Variants in PRKG1 observed in about 807,000 individuals in gnomAD.
PRKG1 encodes protein kinase cGMP-dependent 1.
In PRKG1, 35 loss-of-function variants were observed where a neutral mutation model predicts 88.1. That is an observed-to-expected ratio of 0.40 (90% CI 0.30 to 0.53). The LOEUF (loss-of-function observed/expected upper bound fraction) is 0.53, where lower values mean the gene tolerates loss of function less well. Ranked by LOEUF, PRKG1 falls within the 20% of genes least tolerant of loss-of-function variation. PRKG1 has a pLI of 0.59. For missense variants in PRKG1, 540 were observed against 839.8 expected, an observed-to-expected ratio of 0.64 and a Z score of 4.41; for synonymous variants, 303 against 292.5, an observed-to-expected ratio of 1.04 and a Z score of -0.37.
chr10:51,970,001 TACACACACACACACACACAC>T (rs35117709), intron 5 of PRKG1, among the ~76,000 whole-genome samples: 17,847 of 144,474 alleles, frequency 0.12, 1,289 homozygotes, highest in African/African-American at 0.2. Flanking sequence ...ATTCTCTTCA[TACACACACACACACACACAC>T]ACACACACAC....
At chr10:51,813,766 T>C (rs756050343) in intron 4 of PRKG1, among the ~76,000 whole-genome samples, 5 of 152,114 alleles carry the variant, frequency 3.3e-5, no homozygotes, top group African/African-American at 7.2e-5. Context: ...CAGCCTTAGG[T>C]TGATTTTGTT....
At chr10:51,078,259 C>T (rs1043573604) in intron 1 of PRKG1, among the ~76,000 whole-genome samples, 1 of 152,058 alleles carries the variant, frequency 6.6e-6, no homozygotes, top group South Asian at 2.1e-4. Flanking sequence ...CACTCTGTCA[C>T]CCAGGATGGA....
At chr10:51,215,731 T>G (rs966816155) in intron 2 of PRKG1, among the ~76,000 whole-genome samples, 2 of 152,200 alleles carry the variant, frequency 1.3e-5, no homozygotes, top group African/African-American at 4.8e-5. Context: ...TTCCACTTCT[T>G]TCTTTCACCA....
At chr10:51,486,410 G>A (rs1285557822) in intron 3 of PRKG1, among the ~76,000 whole-genome samples, 2 of 152,088 alleles carry the variant, frequency 1.3e-5, no homozygotes, top group Non-Finnish European at 1.5e-5. Flanking sequence ...TTTCACAATT[G>A]TATACTTACT....
intron 3 of PRKG1, among the ~76,000 whole-genome samples, chr10:51,775,796 C>T (rs1290542425): frequency 6.6e-6 from 1 of 152,038 alleles, no homozygotes; most frequent in Non-Finnish European, 1.5e-5. Flanking sequence ...GTTGCCCAGG[C>T]TGGTGTTGAA....
intron 3 of PRKG1, among the ~76,000 whole-genome samples, chr10:51,802,893 C>G (rs1839211365): frequency 6.6e-6 from 1 of 152,104 alleles, no homozygotes. Context: ...GCACTACCCC[C>G]AAACCGTGCA....
At chr10:51,406,214 T>A (rs965630567) in intron 2 of PRKG1, among the ~76,000 whole-genome samples, 1 of 152,216 alleles carries the variant, frequency 6.6e-6, no homozygotes, top group African/African-American at 2.4e-5. Context: ...AATCAATTTG[T>A]TGTCGACAGC....
Position 51,727,211 on chromosome 10 carries a change from C to T in PRKG1, c.593-77374C>T, listed in dbSNP as rs564580197. Reference sequence around the variant, plus strand: ...GTCCCAGCTATTTGGGGGGCTGAGACGGGAGGATACCTGGAGTCCAGGAGT... The same window carrying T: ...GTCCCAGCTATTTGGGGGGCTGAGATGGGAGGATACCTGGAGTCCAGGAGT... On this transcript the variant is annotated intron_variant, in intron 3 of 17. Coordinates refer to ENST00000373980, the MANE Select transcript of PRKG1 (RefSeq NM_006258.4). Among the ~76,000 whole-genome samples, 7 of 150,870 alleles carry T rather than the reference C, an allele frequency of 4.6e-5. No homozygotes were observed. The South Asian group carries it at 8.4e-4, about 18-fold the overall frequency.
At chr10:52,272,754 A>G (rs1311459590) in intron 12 of PRKG1, among the ~76,000 whole-genome samples, 1 of 151,360 alleles carries the variant, frequency 6.6e-6, no homozygotes, top group Non-Finnish European at 1.5e-5. Context: ...TTTTGCATGA[A>G]TGTTAGAATT....
Position 52,025,861 on chromosome 10 carries a change from T to G in PRKG1, c.763-28623T>G, listed in dbSNP as rs557309948. Among the ~76,000 whole-genome samples the G allele has an allele frequency of 3.3e-5, 5 of 151,194 alleles. No individual in the cohort carries two copies. The South Asian group carries it at 1.1e-3, about 32-fold the overall frequency. On this transcript the variant is annotated intron_variant, in intron 5 of 17. Coordinates refer to ENST00000373980, the MANE Select transcript of PRKG1 (RefSeq NM_006258.4). The stretch of plus-strand genomic sequence containing the variant: ...AAAAACTACTTTAAATTTAGCTAAG[T>G]CAATCCTAAGCAAAAAGAACAAAGC...
At chr10:52,146,228 CTG>C (rs1837723466) in intron 8 of PRKG1, among the ~76,000 whole-genome samples, 1 of 152,124 alleles carries the variant, frequency 6.6e-6, no homozygotes, top group Admixed American at 6.6e-5. Context: ...AATGTAATAA[CTG>C]TTTGTTTTAG....
chr10:51,612,379 G>T (rs1192685026), intron 3 of PRKG1, among the ~76,000 whole-genome samples: 1 of 151,254 alleles, frequency 6.6e-6, no homozygotes, highest in Non-Finnish European at 1.5e-5. Context: ...AGGTTTTTTT[G>T]TGTGTGTCAC....
intron 7 of PRKG1, among the ~76,000 whole-genome samples, chr10:52,112,597 C>T (rs1847589702): frequency 6.6e-6 from 1 of 152,144 alleles, no homozygotes; most frequent in African/African-American, 2.4e-5. Context: ...CTCATTCTTT[C>T]TTGTTCCAGA....
intron 1 of PRKG1, among the ~76,000 whole-genome samples, chr10:51,116,334 C>T (rs1486815227): frequency 6.6e-6 from 1 of 152,170 alleles, no homozygotes; most frequent in Non-Finnish European, 1.5e-5. Flanking sequence ...ATTTGCACCT[C>T]ACTCAAAATG....
At chr10:51,812,647 T>A (rs979479697) in intron 4 of PRKG1, among the ~76,000 whole-genome samples, 5 of 152,234 alleles carry the variant, frequency 3.3e-5, no homozygotes, top group African/African-American at 9.6e-5. Flanking sequence ...GTCCAGCCAC[T>A]GAGCTGGTCA....
intron 1 of PRKG1, among the ~76,000 whole-genome samples, chr10:51,128,073 T>G (rs577585553): frequency 1.3e-5 from 2 of 152,202 alleles, no homozygotes; most frequent in South Asian, 4.1e-4. Flanking sequence ...CATGTATACC[T>G]AAGTAACAAA....
chr10:51,375,760 G>T (rs978956248), intron 2 of PRKG1, among the ~76,000 whole-genome samples: 1 of 143,212 alleles, frequency 7.0e-6, no homozygotes. Flanking sequence ...GTGGTGGGGG[G>T]GTGTTACTAT....
At chr10:52,117,202 A>G (rs201722418) in intron 7 of PRKG1, among the ~76,000 whole-genome samples, 983 of 38,960 alleles carry the variant, frequency 0.025, 8 homozygotes, top group African/African-American at 0.062. Context: ...GTGTGTGTGT[A>G]TGATTGGTAG....
intron 3 of PRKG1, among the ~76,000 whole-genome samples, chr10:51,472,740 C>T (rs1378203280): frequency 6.6e-6 from 1 of 151,840 alleles, no homozygotes; most frequent in Non-Finnish European, 1.5e-5. Flanking sequence ...GCTAGAATAC[C>T]ATTATTCCTG....
Sources: allele counts gnomAD v4.1 joint callset (sites outside exome capture counted in the v4.1 genomes callset), GRCh38; gene constraint gnomAD v4.1.1; transcripts MANE v1.5; gene names NCBI Gene and HGNC (gene_info 2026-07-23, HGNC 2026-07-21).